The following PTPRN2 variants were observed in gnomAD, a reference collection of about 807,000 sequenced individuals.
The protein encoded by PTPRN2 is protein tyrosine phosphatase receptor type N2.
Under a neutral mutation model 118.8 loss-of-function variants are expected in PTPRN2, and 74 were observed. That is an observed-to-expected ratio of 0.62 (90% confidence interval 0.52 to 0.76). The LOEUF is 0.76. Ranked by LOEUF, PTPRN2 falls within the 30% of genes least tolerant of loss-of-function variation. The probability of loss-of-function intolerance (pLI) is 0.00; values close to 1 mark genes in which losing one functional copy is unlikely to be tolerated. For missense variants in PTPRN2, 1,481 were observed against 1,394.4 expected, an observed-to-expected ratio of 1.06 and a Z score of -0.99; for synonymous variants, 641 against 608.0, an observed-to-expected ratio of 1.05 and a Z score of -0.80.
intron 3 of PTPRN2, among the ~76,000 whole-genome samples, chr7:158,231,534 C>T (rs1187770856): frequency 2.0e-5 from 3 of 152,172 alleles, no homozygotes; most frequent in African/African-American, 7.2e-5. Context: ...CAGGGCACTT[C>T]AACACCCCAT....
rs1306975853 is a variant in PTPRN2, at chr7:157,875,913, GTGGGCAC to G, written c.1788+22753_1788+22759del. On this transcript the variant is annotated intron_variant, in intron 12 of 22. Transcript: ENST00000389418. ...AGCCCCAAGGCCAGGCATCCCCAGG[GTGGGCAC>G]CGGGCTGCAGAGGGTCAGGAGGGGC... Among the ~76,000 whole-genome samples, 12 of 149,538 alleles carry G rather than the reference GTGGGCAC, an allele frequency of 8.0e-5. No homozygotes were observed. In the East Asian group the frequency reaches 1.0e-3, roughly 12 times the overall value.
intron 9 of PTPRN2, among the ~76,000 whole-genome samples, chr7:158,122,788 T>C (rs1166238449): frequency 6.6e-6 from 1 of 152,250 alleles, no homozygotes. Context: ...ATTCAGGCTA[T>C]GTTCCAACGT....
intron 11 of PTPRN2, among the ~76,000 whole-genome samples, chr7:158,009,471 G>C (rs1264719465): frequency 1.3e-5 from 2 of 152,038 alleles, no homozygotes; most frequent in South Asian, 2.1e-4. Context: ...GCAAATGAGA[G>C]AAATGTTGGT....
chr7:158,227,496 C>A (rs543847477), intron 3 of PTPRN2, among the ~76,000 whole-genome samples: 5 of 152,244 alleles, frequency 3.3e-5, no homozygotes, highest in Middle Eastern at 3.4e-3. Context: ...GGAGGAGCCC[C>A]TGACGTGTGA....
At chr7:157,548,361 G>A (rs2116995299) in intron 22 of PTPRN2, among the ~76,000 whole-genome samples, 1 of 152,306 alleles carries the variant, frequency 6.6e-6, no homozygotes, top group Middle Eastern at 3.4e-3. Flanking sequence ...CCAAGGAGCA[G>A]AGAGGCCAAA....
rs540718162 is a variant in PTPRN2 at position 157,604,046 on chromosome 7, C to T, written c.2374G>A (p.Glu792Lys). The change falls in exon 16 of 23, where the codon GAG becomes AAG. Residue 792 changes from glutamate (E) to lysine (K), a missense_variant. Coordinates refer to ENST00000389418, the MANE Select transcript of PTPRN2 (RefSeq NM_002847.5). ...TAGTCTGAGTGGCTGTGGCTGTTCT[C>T]CGCCTTCAGCAGGACCCGGGAGTGG... ...YDHSRVLLKA[E>K]NSHSHSDYIN... 5 of 1,613,860 alleles carry T rather than the reference C, an allele frequency of 3.1e-6. No individual in the cohort carries two copies. The African/African-American group carries it at 5.3e-5, about 17-fold the overall frequency.
intron 3 of PTPRN2, among the ~76,000 whole-genome samples, chr7:158,297,233 G>C (rs1331058597): frequency 6.6e-6 from 1 of 152,226 alleles, no homozygotes; most frequent in Non-Finnish European, 1.5e-5. Flanking sequence ...CTTCATTTCA[G>C]ATTGATCATC....
chr7:157,621,550 G>A lies in PTPRN2; in HGVS notation c.2197-41C>T, dbSNP rs1053428545. On this transcript the variant is annotated intron_variant, in intron 14 of 22. Coordinates refer to ENST00000389418, the MANE Select transcript of PTPRN2 (RefSeq NM_002847.5). ...AGGGTCAGGAGCGCACCTAGGTGGT[G>A]AGCCCAGACCGGCAGATGCACAAAA... is the stretch of plus-strand genomic sequence containing the variant. 6 of 1,604,954 alleles carry A rather than the reference G, an allele frequency of 3.7e-6. No homozygotes were observed. In the African/African-American group the frequency reaches 5.3e-5, roughly 14 times the overall value.
chr7:157,869,184 A>AG lies in PTPRN2; in HGVS notation c.1788+29488dup, dbSNP rs1810903973. 1 of 152,200 alleles carries AG rather than the reference A, an allele frequency of 6.6e-6. No homozygotes were observed. The highest frequency in any genetic ancestry group is 2.4e-5 in the African/African-American group (1 of 41,460). 9.4% of individuals were successfully genotyped at this position (152,200 alleles called of 1,614,324 possible). A position where few individuals can be genotyped will look rare whatever the true frequency, so the allele number is the denominator to read the frequency against. ...TCTTTCCTGATACCTCAACTTTGCC[A>AG]GGGTCCTAAGCGTGTGCTTAGGTAC... On this transcript the variant is annotated intron_variant, in intron 12 of 22. Transcript: ENST00000389418. This position sits in a 1 kb window ranked among gnomAD's most constrained non-coding sequence, Gnocchi z 4.2.
chr7:157,544,241 A>C (rs1361236344), intron 22 of PTPRN2, among the ~76,000 whole-genome samples: 1 of 152,132 alleles, frequency 6.6e-6, no homozygotes, highest in African/African-American at 2.4e-5. Context: ...CCTTGGGAGA[A>C]GTGGGCTGCG....
chr7:158,270,773 C>CA (rs1798288966), intron 3 of PTPRN2, among the ~76,000 whole-genome samples: 1 of 130,258 alleles, frequency 7.7e-6, no homozygotes, highest in Non-Finnish European at 1.6e-5. Context: ...CCACCCCGTC[C>CA]ACCTGGACCA....
At chr7:158,089,558 A>C (rs1456504538) in intron 10 of PTPRN2, among the ~76,000 whole-genome samples, 6 of 108,498 alleles carry the variant, frequency 5.5e-5, no homozygotes, top group African/African-American at 2.1e-4. Flanking sequence ...TCTTCACACA[A>C]ACCTTCTTCC....
At chr7:158,443,973 G>A (rs571802728) in intron 2 of PTPRN2, among the ~76,000 whole-genome samples, 19 of 152,318 alleles carry the variant, frequency 1.2e-4, no homozygotes, top group African/African-American at 4.1e-4. Context: ...CTGGGTGTCT[G>A]GGCTCATACC....
At chr7:157,542,891 C>A (rs748140486) in intron 22 of PTPRN2, among the ~76,000 whole-genome samples, 5 of 152,116 alleles carry the variant, frequency 3.3e-5, no homozygotes, top group Non-Finnish European at 7.4e-5. Flanking sequence ...TCAGAGCTGG[C>A]GTTTGAGGGG....
At chr7:157,573,063 C>T (rs1799840265) in intron 19 of PTPRN2, among the ~76,000 whole-genome samples, 1 of 152,232 alleles carries the variant, frequency 6.6e-6, no homozygotes, top group Admixed American at 6.5e-5. Flanking sequence ...CCACTTATGT[C>T]TACTTCTACA....
intron 1 of PTPRN2, among the ~76,000 whole-genome samples, chr7:158,538,788 C>A (rs1420284532): frequency 6.6e-6 from 1 of 152,190 alleles, no homozygotes; most frequent in Non-Finnish European, 1.5e-5. Context: ...TCGTGCAGGG[C>A]CCTGACTCCA....
At chr7:158,489,631 G>A (rs1821290568) in intron 2 of PTPRN2, 104 bp downstream of exon 2, 3 of 1,220,740 alleles carry the variant, frequency 2.5e-6, no homozygotes, top group Non-Finnish European at 3.3e-6. Flanking sequence ...CGCCCCGGGC[G>A]GCCCCAGCTC....
intron 21 of PTPRN2, among the ~76,000 whole-genome samples, chr7:157,559,285 A>G (rs1357801405): frequency 3.9e-5 from 6 of 152,182 alleles, no homozygotes; most frequent in Admixed American, 3.9e-4. Context: ...ACAGCCCCTC[A>G]GGGTCTGGAC....
At chr7:157,692,304 G>A (rs1221189511) in intron 12 of PTPRN2, among the ~76,000 whole-genome samples, 1 of 152,168 alleles carries the variant, frequency 6.6e-6, no homozygotes, top group African/African-American at 2.4e-5. Flanking sequence ...CACCTCCCCA[G>A]GCCAGGCCCA....
Sources: allele counts gnomAD v4.1 joint callset (sites outside exome capture counted in the v4.1 genomes callset), GRCh38; gene constraint gnomAD v4.1.1; non-coding constraint Gnocchi (gnomAD v3.1); transcripts MANE v1.5; gene names NCBI Gene and HGNC (gene_info 2026-07-23, HGNC 2026-07-21).